PLAG1: variants seen among roughly 807,000 people sequenced by gnomAD.
PLAG1 encodes zinc finger protein PLAG1.
A neutral mutation model predicts 35.5 loss-of-function variants in PLAG1; 7 were observed. That is an observed-to-expected ratio of 0.20 (90% CI 0.11 to 0.37). The LOEUF is 0.37. PLAG1 is among the 10% of genes least tolerant of loss of function. The pLI is 1.00. For synonymous variants in PLAG1, 229 were observed against 225.4 expected, an observed-to-expected ratio of 1.02 and a Z score of -0.14; for missense variants, 454 against 602.8, an observed-to-expected ratio of 0.75 and a Z score of 2.58.
In PLAG1 at chr8:56,179,426, A is replaced by G; in HGVS notation, c.-234T>C. On this transcript the variant is annotated 5_prime_UTR_variant, in exon 2 of 5. Transcript: ENST00000316981. ...CCACCTACCTGAGGCCCTGCTCCAA[A>G]CTCTAGCAAGGCAACCTTATTAATA... 1.1e-6 allele frequency: 1 copy of G among 932,310 alleles called. No individual in the cohort carries two copies. The highest frequency in any genetic ancestry group is 1.3e-6 in the Non-Finnish European group (1 of 781,122). The allele number at this position is 932,310 out of a possible 1,614,324, so 57.8% of individuals were successfully genotyped here.
intron 1 of PLAG1, among the ~76,000 whole-genome samples, chr8:56,202,999 A>G (rs1382404862): frequency 6.6e-6 from 1 of 152,200 alleles, no homozygotes; most frequent in Non-Finnish European, 1.5e-5. Context: ...CTTGATAATT[A>G]AGAATTTAAA....
At chr8:56,186,450 C>T (rs1812019315) in intron 1 of PLAG1, among the ~76,000 whole-genome samples, 1 of 152,122 alleles carries the variant, frequency 6.6e-6, no homozygotes, top group Non-Finnish European at 1.5e-5. Flanking sequence ...TGGCTCACTG[C>T]AACCTCCGCC....
At chr8:56,193,449 T>A (rs1183219561) in intron 1 of PLAG1, among the ~76,000 whole-genome samples, 3 of 152,188 alleles carry the variant, frequency 2.0e-5, no homozygotes, top group Non-Finnish European at 4.4e-5. Flanking sequence ...TCTGGGTACA[T>A]AAAAAAAGCT....
At chr8:56,193,771 C>G (rs921063428) in intron 1 of PLAG1, among the ~76,000 whole-genome samples, 1 of 150,250 alleles carries the variant, frequency 6.7e-6, no homozygotes, top group Non-Finnish European at 1.5e-5. Flanking sequence ...GATCCCGGCT[C>G]ACTGCAAGCT....
Position 56,167,214 on chromosome 8 carries a change from C to G in PLAG1, c.532G>C (p.Gly178Arg). Residue 178 changes from glycine to arginine, a missense_variant, in exon 5 of 5, where the codon GGT (glycine) becomes CGT (arginine). Physicochemically the swap from Gly to Arg is moderately radical, Grantham distance 125 (BLOSUM62 -2). This residue lies in a region of PLAG1 where 170 missense variants were observed against 226.3 expected (regional missense o/e 0.75). Transcript: ENST00000316981. This position sits in a 1 kb window ranked among gnomAD's most constrained non-coding sequence, Gnocchi z 5.9. The stretch of plus-strand genomic sequence containing the variant: ...TGGTGCTTTTTTTCTTTAACCCCAC[C>G]AGACGACTTGCCTGCATGAGATTTA... ...HLKSHAGKSS[G>R]GVKEKKHQCE... 1 of 1,614,066 alleles carries G rather than the reference C, an allele frequency of 6.2e-7. No individual in the cohort carries two copies. The highest frequency in any genetic ancestry group is 8.5e-7 in the Non-Finnish European group (1 of 1,179,998).
At chr8:56,202,300 T>C (rs1354207929) in intron 1 of PLAG1, among the ~76,000 whole-genome samples, 5 of 152,230 alleles carry the variant, frequency 3.3e-5, no homozygotes, top group African/African-American at 9.6e-5. Context: ...TTAATACATA[T>C]GCTCATTTTC....
In PLAG1 at chr8:56,174,681, A is replaced by C. The variant is rs575754274; in HGVS notation, c.-216-3492T>G. The stretch of plus-strand genomic sequence containing the variant: ...GGCTTGCTTAGTCATCATAATAGAC[A>C]TAAGATAGAATTTACAGTTGACCCT... On this transcript the variant is annotated intron_variant, in intron 2 of 4. Transcript: ENST00000316981. Among the ~76,000 whole-genome samples, 16 of 152,344 alleles carry C rather than the reference A, an allele frequency of 1.1e-4. No homozygotes were observed. The South Asian group carries it at 2.9e-3, about 28-fold the overall frequency.
At chr8:56,183,118 AAAAC>A (rs934266514) in intron 1 of PLAG1, among the ~76,000 whole-genome samples, 3 of 152,208 alleles carry the variant, frequency 2.0e-5, no homozygotes, top group Non-Finnish European at 2.9e-5. Flanking sequence ...GGGTTTTACA[AAAAC>A]AAACAAACAA....
At position 56,165,953 on chromosome 8, in the gene PLAG1, T is replaced by G; in HGVS notation, c.*290A>C. ...TCTAAAAGTAATTTGAAAATGGGAT[T>G]TGTAAAAGTTTACTACTAATAATGG... On this transcript the variant is annotated 3_prime_UTR_variant, in exon 5 of 5. Transcript: ENST00000316981. 1 of 233,826 alleles carries G rather than the reference T, an allele frequency of 4.3e-6. No individual in the cohort carries two copies. The highest frequency in any genetic ancestry group is 8.4e-6 in the Non-Finnish European group (1 of 119,554). The allele number at this position is 233,826 out of a possible 1,614,324, so 14.5% of individuals were successfully genotyped here.
In PLAG1 at chr8:56,166,347, CAGGATCCTG is replaced by C. The variant is rs1308840273; in HGVS notation, c.1390_1398del (p.Gln464_Pro466del). ...AGAGACCCAAGCCCTATAGTGTTTG[CAGGATCCTG>C]AAGATCCTGTGTTTGTGGGGGGAGC... On this transcript the variant is annotated inframe_deletion, in exon 5 of 5. Transcript: ENST00000316981. The C allele has an allele frequency of 4.3e-6, 7 of 1,613,778 alleles. No homozygotes were observed. Among genetic ancestry groups the C allele is most frequent in the Non-Finnish European group, 5.9e-6 (7 of 1,179,846 alleles).
chr8:56,183,614 A>G (rs1384845940), intron 1 of PLAG1, among the ~76,000 whole-genome samples: 2 of 152,220 alleles, frequency 1.3e-5, no homozygotes, highest in Non-Finnish European at 2.9e-5. Flanking sequence ...TACAAACAGA[A>G]GATTAGGAAG....
At chr8:56,209,327 TACA>T (rs1464013721) in intron 1 of PLAG1, 2 of 152,212 alleles carry the variant, frequency 1.3e-5, no homozygotes, top group Non-Finnish European at 2.9e-5. Flanking sequence ...ACAGTTTGGA[TACA>T]AACTATACAC....
chr8:56,166,032 A>G lies in PLAG1; in HGVS notation c.*211T>C. The G allele has an allele frequency of 3.0e-6, 1 of 332,368 alleles. No homozygotes were observed. The highest frequency in any genetic ancestry group is 5.5e-6 in the Non-Finnish European group (1 of 182,076). 20.6% of individuals were successfully genotyped at this position (332,368 alleles called of 1,614,324 possible). ...AAAATGTGACAATTGGCAGTGAATC[A>G]GGACAAAATACCCAGGTAAACTTAA... is the stretch of plus-strand genomic sequence containing the variant. On this transcript the variant is annotated 3_prime_UTR_variant, in exon 5 of 5. Transcript: ENST00000316981.
chr8:56,186,259 A>G (rs1018068583), intron 1 of PLAG1, among the ~76,000 whole-genome samples: 1 of 152,204 alleles, frequency 6.6e-6, no homozygotes, highest in East Asian at 1.9e-4. Context: ...ACCCAATGCC[A>G]TTTTTAGATT....
intron 1 of PLAG1, among the ~76,000 whole-genome samples, chr8:56,195,378 A>G: frequency 6.6e-6 from 1 of 152,248 alleles, no homozygotes; most frequent in East Asian, 1.9e-4. Context: ...CTGAACAGTC[A>G]GCACAGGGCA....
chr8:56,201,225 T>A (rs1038535546), intron 1 of PLAG1, among the ~76,000 whole-genome samples: 1 of 152,210 alleles, frequency 6.6e-6, no homozygotes, highest in African/African-American at 2.4e-5. Flanking sequence ...CATCTAAAAT[T>A]AACCAAGCTA....
chr8:56,186,284 C>G (rs1209257733), intron 1 of PLAG1, among the ~76,000 whole-genome samples: 2 of 152,174 alleles, frequency 1.3e-5, no homozygotes, highest in African/African-American at 4.8e-5. Flanking sequence ...AGAAAGCAAC[C>G]AATCTTTGTG....
At chr8:56,179,303 T>C (rs896910382) in intron 2 of PLAG1, 106 bp downstream of exon 2, 5 of 157,370 alleles carry the variant, frequency 3.2e-5, no homozygotes, top group Admixed American at 2.0e-4. Flanking sequence ...ATGCTTATTA[T>C]GTGGCATGCT....
At chr8:56,195,232 T>C (rs1812325077) in intron 1 of PLAG1, among the ~76,000 whole-genome samples, 1 of 152,228 alleles carries the variant, frequency 6.6e-6, no homozygotes, top group African/African-American at 2.4e-5. Context: ...AGAATTTTTT[T>C]CATGCATTAT....
Sources: gnomAD v4.1 joint callset for allele counts (sites outside exome capture counted in the v4.1 genomes callset) on GRCh38, gnomAD v4.1.1 for gene constraint, gnomAD v4.1.1 regional missense constraint, Gnocchi (gnomAD v3.1) non-coding constraint, MANE v1.5 for transcripts, NCBI Gene and HGNC (gene_info 2026-07-23, HGNC 2026-07-21) for gene names.